FTO: variants seen among roughly 807,000 people sequenced by gnomAD.
The protein encoded by FTO is FTO alpha-ketoglutarate dependent dioxygenase.
A neutral mutation model predicts 63.9 loss-of-function variants in FTO; 47 were observed. The ratio of observed to expected loss-of-function variants is 0.74; its 90% CI spans 0.58 to 0.94. The LOEUF is 0.94. Ranked by LOEUF, FTO falls within the 40% of genes least tolerant of loss-of-function variation. The probability of loss-of-function intolerance (pLI) is 0.00; values close to 1 mark genes in which losing one functional copy is unlikely to be tolerated. For missense variants in FTO, 562 were observed against 618.1 expected (o/e 0.91, Z 0.96); for synonymous variants, 207 against 224.4 (o/e 0.92, Z 0.69).
intron 4 of FTO, among the ~76,000 whole-genome samples, chr16:53,866,784 A>G (rs1408402684): frequency 1.3e-5 from 2 of 152,030 alleles, no homozygotes; most frequent in East Asian, 1.9e-4. Context: ...CTAGAGGTTT[A>G]TCAATTTTAT....
intron 3 of FTO, among the ~76,000 whole-genome samples, chr16:53,838,433 T>C (rs1965022): frequency 0.23 from 34,976 of 151,686 alleles, 4,252 homozygotes; most frequent in Middle Eastern, 0.31. Flanking sequence ...GCCTCAGCCT[T>C]CTGAGTAGCT....
At chr16:54,048,794 A>G (rs1486377975) in intron 8 of FTO, among the ~76,000 whole-genome samples, 2 of 152,206 alleles carry the variant, frequency 1.3e-5, no homozygotes, top group African/African-American at 4.8e-5. Context: ...ATCTTCTTCT[A>G]AAATTGTTTG....
chr16:53,730,481 G>C (rs752841666), intron 1 of FTO, among the ~76,000 whole-genome samples: 1 of 150,578 alleles, frequency 6.6e-6, no homozygotes, highest in Non-Finnish European at 1.5e-5. Flanking sequence ...TTTTTTTGTA[G>C]TTTTCATTAT....
At chr16:53,839,227 GTGGGAGC>G (rs904702720) in intron 3 of FTO, among the ~76,000 whole-genome samples, 9 of 152,158 alleles carry the variant, frequency 5.9e-5, no homozygotes, top group African/African-American at 1.7e-4. Context: ...AGTTTGGTTA[GTGGGAGC>G]TGGGAGCTGG....
intron 1 of FTO, among the ~76,000 whole-genome samples, chr16:53,771,052 T>C (rs1292872203): frequency 6.6e-6 from 1 of 152,136 alleles, no homozygotes; most frequent in African/African-American, 2.4e-5. Flanking sequence ...CTAAAGGGAC[T>C]TCGCTATAGG....
intron 7 of FTO, among the ~76,000 whole-genome samples, chr16:53,908,656 A>C (rs1212876802): frequency 6.6e-6 from 1 of 152,212 alleles, no homozygotes; most frequent in African/African-American, 2.4e-5. Context: ...CTTCAGAGCC[A>C]TGCAGAATGT....
At chr16:53,879,259 C>A (rs1307885134) in intron 5 of FTO, among the ~76,000 whole-genome samples, 1 of 152,070 alleles carries the variant, frequency 6.6e-6, no homozygotes, top group African/African-American at 2.4e-5. Flanking sequence ...GCCTCCGGGA[C>A]CCAAATGTTT....
intron 1 of FTO, among the ~76,000 whole-genome samples, chr16:53,733,295 G>A (rs572958887): frequency 2.6e-4 from 40 of 152,202 alleles, no homozygotes; most frequent in Non-Finnish European, 4.3e-4. Context: ...TCAGCTACTC[G>A]GGAGGTTGAG....
At chr16:53,968,826 A>C (rs1487062040) in intron 8 of FTO, among the ~76,000 whole-genome samples, 2 of 152,202 alleles carry the variant, frequency 1.3e-5, no homozygotes, top group Non-Finnish European at 2.9e-5. Flanking sequence ...CAATATTAGC[A>C]TAAGGAGGAT....
intron 8 of FTO, among the ~76,000 whole-genome samples, chr16:53,946,440 C>A (rs1350969645): frequency 6.6e-6 from 1 of 152,128 alleles, no homozygotes; most frequent in Non-Finnish European, 1.5e-5. Context: ...TTTAATAAAC[C>A]TTTAGGTTTA....
At chr16:53,750,915 T>C (rs183273531) in intron 1 of FTO, among the ~76,000 whole-genome samples, 1 of 152,252 alleles carries the variant, frequency 6.6e-6, no homozygotes, top group East Asian at 1.9e-4. Flanking sequence ...ATTACGAAGG[T>C]TGTAGGTCTA....
At chr16:53,981,419 AT>A (rs2083541337) in intron 8 of FTO, 1 of 152,254 alleles carries the variant, frequency 6.6e-6, no homozygotes, top group African/African-American at 2.4e-5. Flanking sequence ...AAGCAAAGCC[AT>A]TTACCCTCTA....
chr16:53,729,809 A>G (rs901297757), intron 1 of FTO, among the ~76,000 whole-genome samples: 6 of 152,078 alleles, frequency 3.9e-5, no homozygotes, highest in African/African-American at 1.2e-4. Flanking sequence ...TCTTTCAACA[A>G]TGTCCACAAA....
chr16:53,714,303 G>A (rs1432577548), intron 1 of FTO, among the ~76,000 whole-genome samples: 1 of 152,158 alleles, frequency 6.6e-6, no homozygotes, highest in Non-Finnish European at 1.5e-5. Context: ...TGAGCCTCAA[G>A]GGCCAGCATT....
intron 4 of FTO, 148 bp downstream of exon 4, chr16:53,844,446 T>C (rs1309351072): frequency 1.4e-6 from 1 of 693,696 alleles, no homozygotes; most frequent in Non-Finnish European, 2.4e-6. Flanking sequence ...TGTAACTAGG[T>C]TTTTCTTTTT....
chr16:54,110,676 T>C (rs2086863769), intron 8 of FTO, among the ~76,000 whole-genome samples: 2 of 152,240 alleles, frequency 1.3e-5, no homozygotes, highest in Middle Eastern at 3.2e-3. Flanking sequence ...GATCTCTTCA[T>C]AGTCAGTCCT....
At chr16:53,907,994 T>C (rs1007367130) in intron 7 of FTO, among the ~76,000 whole-genome samples, 6 of 152,222 alleles carry the variant, frequency 3.9e-5, no homozygotes, top group Admixed American at 3.9e-4. Flanking sequence ...CTTACCTGTT[T>C]CGTGAAGGTC....
At chr16:53,792,075 C>CAAAAAAAA (rs10606857) in intron 1 of FTO, among the ~76,000 whole-genome samples, 2 of 138,662 alleles carry the variant, frequency 1.4e-5, no homozygotes, top group South Asian at 2.3e-4. Context: ...GACTTCGTCT[C>CAAAAAAAA]AAAAAAAAAA....
chr16:54,087,076 T>C (rs1208715267), intron 8 of FTO, among the ~76,000 whole-genome samples: 2 of 152,178 alleles, frequency 1.3e-5, no homozygotes, highest in Non-Finnish European at 2.9e-5. Context: ...GCCAGGAACT[T>C]AGGCTGCCAT....
Sources: allele counts gnomAD v4.1 joint callset (sites outside exome capture counted in the v4.1 genomes callset), GRCh38; gene constraint gnomAD v4.1.1; transcripts MANE v1.5; gene names NCBI Gene and HGNC (gene_info 2026-07-23, HGNC 2026-07-21).